Variants in ERC2 observed in about 807,000 individuals in gnomAD.
The protein encoded by ERC2 is ELKS/RAB6-interacting/CAST family member 2, also known as ERC protein 2.
In ERC2, 42 loss-of-function variants were observed where a neutral mutation model predicts 114.8. The observed-to-expected ratio is 0.37, with a 90% CI of 0.29 to 0.47. The LOEUF is 0.47. ERC2 is among the 20% of genes least tolerant of loss of function. The pLI is 0.99. For missense variants in ERC2, 939 were observed against 1,150.7 expected, an observed-to-expected ratio of 0.82 and a Z score of 2.66; for synonymous variants, 454 against 425.5, an observed-to-expected ratio of 1.07 and a Z score of -0.82.
At chr3:55,912,687 T>A (rs2064875444) in intron 13 of ERC2, among the ~76,000 whole-genome samples, 1 of 150,620 alleles carries the variant, frequency 6.6e-6, no homozygotes, top group South Asian at 2.1e-4. Context: ...ACAGTGGTTT[T>A]CCTTGATTAT....
intron 6 of ERC2, among the ~76,000 whole-genome samples, chr3:56,103,158 G>A (rs2078452295): frequency 6.6e-6 from 1 of 152,060 alleles, no homozygotes; most frequent in African/African-American, 2.4e-5. Context: ...TCAGGGAAGG[G>A]GAAAGGATAA....
rs563557991 is a variant in ERC2 at position 55,985,641 on chromosome 3, A to G, written c.2267+336T>C. Among the ~76,000 whole-genome samples, 4 of 152,312 alleles carry G rather than the reference A, an allele frequency of 2.6e-5. No homozygotes were observed. The South Asian group carries it at 8.3e-4, about 32-fold the overall frequency. On this transcript the variant is annotated intron_variant, in intron 12 of 17. Transcript: ENST00000288221. ...AGCATCCTGCATTATGTTTTTATCC[A>G]TGGCTCCACGTTGTATCATCCTGCA...
At chr3:55,571,449 C>T (rs1015018651) in intron 17 of ERC2, among the ~76,000 whole-genome samples, 4 of 152,184 alleles carry the variant, frequency 2.6e-5, no homozygotes, top group African/African-American at 9.7e-5. Flanking sequence ...AGGGGTCTCA[C>T]ACTCCAGACC....
chr3:55,843,633 T>C (rs1394440688), intron 14 of ERC2, among the ~76,000 whole-genome samples: 3 of 152,232 alleles, frequency 2.0e-5, no homozygotes, highest in Admixed American at 6.5e-5. Context: ...TTCTGAAGGC[T>C]TGAAATATTT....
At chr3:56,401,972 T>C (rs2060537516) in intron 2 of ERC2, among the ~76,000 whole-genome samples, 1 of 152,184 alleles carries the variant, frequency 6.6e-6, no homozygotes, top group African/African-American at 2.4e-5. Flanking sequence ...AAGCAAGACA[T>C]GTCTTACATG....
chr3:55,934,455 T>G (rs1367156817), intron 13 of ERC2, among the ~76,000 whole-genome samples: 1 of 152,188 alleles, frequency 6.6e-6, no homozygotes, highest in Admixed American at 6.5e-5. Flanking sequence ...TCATACAAAC[T>G]GATGAGGTAG....
intron 4 of ERC2, 124 bp downstream of exon 4, chr3:56,173,322 T>C (rs2082783265): frequency 1.0e-5 from 9 of 865,990 alleles, no homozygotes; most frequent in African/African-American, 1.7e-5. Flanking sequence ...AATCCAGAAG[T>C]AAAGCATCCA....
At chr3:55,768,709 A>T (rs556771784) in intron 14 of ERC2, among the ~76,000 whole-genome samples, 1 of 152,296 alleles carries the variant, frequency 6.6e-6, no homozygotes, top group East Asian at 1.9e-4. Flanking sequence ...GGCAAGTATG[A>T]GCTTAGAAGA....
chr3:55,796,351 G>A (rs1465372762), intron 14 of ERC2, among the ~76,000 whole-genome samples: 1 of 152,210 alleles, frequency 6.6e-6, no homozygotes, highest in African/African-American at 2.4e-5. Context: ...GACACAAAAA[G>A]ACTTGATCCA....
intron 14 of ERC2, among the ~76,000 whole-genome samples, chr3:55,747,955 C>T (rs1400300478): frequency 6.6e-6 from 1 of 152,146 alleles, no homozygotes; most frequent in East Asian, 1.9e-4. Flanking sequence ...CTCATGAATA[C>T]AATTTGTGGG....
chr3:55,776,717 T>C (rs1283277042), intron 14 of ERC2, among the ~76,000 whole-genome samples: 1 of 152,156 alleles, frequency 6.6e-6, no homozygotes, highest in Non-Finnish European at 1.5e-5. Context: ...GCCTTTGACC[T>C]AGATCTCTCT....
chr3:55,942,266 C>CTTTTTTTTTTTTT lies in ERC2; in HGVS notation c.2403+8146_2403+8158dup, dbSNP rs56851837. Among the ~76,000 whole-genome samples the CTTTTTTTTTTTTT allele has an allele frequency of 4.5e-4, 19 of 42,116 alleles. 5 individuals carry two copies. The highest frequency in any genetic ancestry group is 8.4e-4 in the African/African-American group (10 of 11,868). The allele number at this position is 42,116 out of a possible 152,430, so 27.6% of individuals were successfully genotyped here. ...TATTAAATGAAGTCTAAGGTCCTTTCTTTTTTTTTTTTTTTTTTTTTTTTT... is the reference window on the plus strand; with the variant it reads ...TATTAAATGAAGTCTAAGGTCCTTTCTTTTTTTTTTTTTTTTTTTTTTTTTTTTTTTTTTTTTT... On this transcript the variant is annotated intron_variant, in intron 13 of 17. Transcript: ENST00000288221.
At chr3:55,517,179 G>A (rs574666146) in intron 17 of ERC2, among the ~76,000 whole-genome samples, 7 of 152,018 alleles carry the variant, frequency 4.6e-5, no homozygotes, top group African/African-American at 9.7e-5. Context: ...AATGGCTCAC[G>A]CCTGTAACCT....
intron 17 of ERC2, among the ~76,000 whole-genome samples, chr3:55,541,335 A>G (rs989534651): frequency 6.6e-6 from 1 of 152,216 alleles, no homozygotes; most frequent in Non-Finnish European, 1.5e-5. Flanking sequence ...AGCCAAAAAC[A>G]GTCTGGCTCC....
intron 17 of ERC2, among the ~76,000 whole-genome samples, chr3:55,636,357 G>C (rs2148641805): frequency 1.3e-5 from 2 of 152,226 alleles, no homozygotes; most frequent in East Asian, 3.9e-4. Flanking sequence ...GCTCCTTGCT[G>C]TTGTAACCTT....
At chr3:55,551,656 C>A (rs1045384754) in intron 17 of ERC2, among the ~76,000 whole-genome samples, 4 of 152,164 alleles carry the variant, frequency 2.6e-5, no homozygotes, top group Non-Finnish European at 5.9e-5. Flanking sequence ...CAAAGGCAGT[C>A]CACTGGCAGG....
chr3:55,717,529 T>C (rs2064195118), intron 15 of ERC2, among the ~76,000 whole-genome samples: 1 of 152,204 alleles, frequency 6.6e-6, no homozygotes, highest in South Asian at 2.1e-4. Context: ...CTTGGTGTTG[T>C]TGGACATGAA....
chr3:55,611,193 T>G (rs1348235224), intron 17 of ERC2, among the ~76,000 whole-genome samples: 4 of 152,150 alleles, frequency 2.6e-5, no homozygotes, highest in Non-Finnish European at 5.9e-5. Context: ...TAATTAAGAG[T>G]GAGCTGGCAG....
chr3:55,681,403 T>C (rs1287226043), intron 17 of ERC2, among the ~76,000 whole-genome samples: 1 of 152,216 alleles, frequency 6.6e-6, no homozygotes, highest in East Asian at 1.9e-4. Context: ...ATAGGGGCCA[T>C]AAATCAAAAC....
Sources: allele counts gnomAD v4.1 joint callset (sites outside exome capture counted in the v4.1 genomes callset), GRCh38; gene constraint gnomAD v4.1.1; transcripts MANE v1.5; gene names NCBI Gene and HGNC (gene_info 2026-07-23, HGNC 2026-07-21).